LRP1B: variants seen among roughly 807,000 people sequenced by gnomAD.
The protein encoded by LRP1B is LDL receptor related protein 1B, also known as low-density lipoprotein receptor-related protein 1B.
Under a neutral mutation model 556.6 loss-of-function variants are expected in LRP1B, and 217 were observed. The ratio of observed to expected loss-of-function variants is 0.39; its 90% CI spans 0.35 to 0.44. LRP1B has a LOEUF of 0.44. LRP1B is among the 20% of genes least tolerant of loss of function. LRP1B has a pLI of 1.00. For synonymous variants in LRP1B, 2,047 were observed against 1,865.8 expected (o/e 1.10, Z -2.50); for missense variants, 5,053 against 5,620.8 (o/e 0.90, Z 3.23).
chr2:140,725,731 T>C (rs1390672574), intron 35 of LRP1B, among the ~76,000 whole-genome samples: 5 of 151,778 alleles, frequency 3.3e-5, no homozygotes, highest in African/African-American at 1.2e-4. Flanking sequence ...ATAAAAAAGG[T>C]GGTTCTGATC....
At chr2:140,389,792 C>T (rs1683936087) in intron 66 of LRP1B, among the ~76,000 whole-genome samples, 2 of 148,518 alleles carry the variant, frequency 1.3e-5, no homozygotes, top group African/African-American at 5.0e-5. Context: ...TGTCAAATTA[C>T]AGCAAGATTT....
At chr2:141,488,976 T>TTTG (rs1553520685) in intron 2 of LRP1B, among the ~76,000 whole-genome samples, 40 of 149,784 alleles carry the variant, frequency 2.7e-4, no homozygotes, top group African/African-American at 9.5e-4. Context: ...TTTTTTTTTG[T>TTTG]TTGTTTGTTT....
intron 17 of LRP1B, among the ~76,000 whole-genome samples, chr2:140,986,004 G>T (rs1696911392): frequency 6.7e-6 from 1 of 150,030 alleles, no homozygotes. Context: ...TTAATTTCTG[G>T]ACATATTATA....
chr2:142,127,568 G>A (rs1707700070), intron 1 of LRP1B, among the ~76,000 whole-genome samples: 1 of 151,688 alleles, frequency 6.6e-6, no homozygotes, highest in South Asian at 2.1e-4. Context: ...TTAAATTTGA[G>A]CTTGAGAAGA....
At chr2:141,995,403 C>T (rs1354078204) in intron 1 of LRP1B, among the ~76,000 whole-genome samples, 1 of 152,188 alleles carries the variant, frequency 6.6e-6, no homozygotes, top group Non-Finnish European at 1.5e-5. Flanking sequence ...CTTAGCTCAT[C>T]TGCTTCTGAC....
chr2:140,961,161 C>T (rs543318994), intron 18 of LRP1B, among the ~76,000 whole-genome samples: 79 of 152,046 alleles, frequency 5.2e-4, no homozygotes, highest in African/African-American at 1.8e-3. Context: ...TATGTTTTTA[C>T]ATTATCCTTA....
intron 1 of LRP1B, among the ~76,000 whole-genome samples, chr2:141,945,109 G>A (rs1055177767): frequency 4.6e-5 from 7 of 152,140 alleles, no homozygotes; most frequent in East Asian, 1.9e-4. Context: ...AACATGAGTC[G>A]TTTTTGGAGC....
At chr2:140,561,363 A>T (rs926728707) in intron 43 of LRP1B, among the ~76,000 whole-genome samples, 2 of 152,164 alleles carry the variant, frequency 1.3e-5, no homozygotes, top group African/African-American at 4.8e-5. Flanking sequence ...GTCTGCTAGC[A>T]TTTGATCATA....
At chr2:141,102,536 T>C (rs1700489116) in intron 7 of LRP1B, among the ~76,000 whole-genome samples, 1 of 152,034 alleles carries the variant, frequency 6.6e-6, no homozygotes, top group Admixed American at 6.6e-5. Flanking sequence ...AGAAATCTTA[T>C]CAGATTCTCC....
chr2:141,849,029 C>T (rs1458312002), intron 1 of LRP1B, among the ~76,000 whole-genome samples: 1 of 151,456 alleles, frequency 6.6e-6, no homozygotes, highest in Non-Finnish European at 1.5e-5. Flanking sequence ...ATTTGGTTTT[C>T]CTTATTTTAC....
At chr2:141,122,902 A>G (rs951119297) in intron 7 of LRP1B, among the ~76,000 whole-genome samples, 9 of 152,194 alleles carry the variant, frequency 5.9e-5, no homozygotes, top group Non-Finnish European at 2.9e-5. Context: ...CATATACACC[A>G]TGGAATACTA....
chr2:141,276,176 T>G (rs941157988), intron 3 of LRP1B, among the ~76,000 whole-genome samples: 1 of 152,238 alleles, frequency 6.6e-6, no homozygotes, highest in Non-Finnish European at 1.5e-5. Flanking sequence ...TCCAAAACAC[T>G]TGTAATATTT....
chr2:142,012,848 A>T (rs1702997834), intron 1 of LRP1B, among the ~76,000 whole-genome samples: 1 of 152,164 alleles, frequency 6.6e-6, no homozygotes, highest in African/African-American at 2.4e-5. Context: ...TCTGTGTAAG[A>T]TGCGATGTGG....
At chr2:140,962,059 T>A (rs1373703228) in intron 18 of LRP1B, among the ~76,000 whole-genome samples, 1 of 152,234 alleles carries the variant, frequency 6.6e-6, no homozygotes, top group Non-Finnish European at 1.5e-5. Context: ...TAAATGTATC[T>A]ACATCAGTTT....
chr2:141,149,923 G>A (rs1701879237), intron 7 of LRP1B, among the ~76,000 whole-genome samples: 1 of 152,176 alleles, frequency 6.6e-6, no homozygotes, highest in Admixed American at 6.6e-5. Context: ...AATCCCTGGA[G>A]GCCAACTGAA....
chr2:141,319,307 G>GTTTTTTTTT (rs1370500448), intron 3 of LRP1B, among the ~76,000 whole-genome samples: 1 of 88,784 alleles, frequency 1.1e-5, no homozygotes, highest in African/African-American at 4.8e-5. Flanking sequence ...GTGTTTTTTT[G>GTTTTTTTTT]TTGTTTTTTT....
intron 1 of LRP1B, among the ~76,000 whole-genome samples, chr2:142,015,323 A>G (rs1703085901): frequency 6.6e-6 from 1 of 152,194 alleles, no homozygotes; most frequent in Non-Finnish European, 1.5e-5. Context: ...AGCGATATGC[A>G]GAAAACTGAA....
chr2:141,312,475 CTGT>C (rs1321260386), intron 3 of LRP1B, among the ~76,000 whole-genome samples: 3 of 152,042 alleles, frequency 2.0e-5, no homozygotes, highest in African/African-American at 7.2e-5. Context: ...CAACAATAGG[CTGT>C]TAACAGTTAA....
chr2:141,075,952 T>C (rs1699774456), intron 7 of LRP1B, among the ~76,000 whole-genome samples: 1 of 152,194 alleles, frequency 6.6e-6, no homozygotes, highest in Admixed American at 6.5e-5. Context: ...CATTGTGCAA[T>C]AATATTGCAG....
Sources: allele counts gnomAD v4.1 joint callset (sites outside exome capture counted in the v4.1 genomes callset), GRCh38; gene constraint gnomAD v4.1.1; transcripts MANE v1.5; gene names NCBI Gene and HGNC (gene_info 2026-07-23, HGNC 2026-07-21).